The following USP15 variants were observed in gnomAD, a reference collection of about 807,000 sequenced individuals.
USP15 encodes ubiquitin specific peptidase 15, also known as ubiquitin carboxyl-terminal hydrolase 15.
Under a neutral mutation model 127.1 loss-of-function variants are expected in USP15, and 18 were observed. The ratio of observed to expected loss-of-function variants is 0.14; its 90% CI spans 0.10 to 0.21. USP15 has a LOEUF of 0.21. Ranked by LOEUF, USP15 falls within the 10% of genes least tolerant of loss-of-function variation. The pLI is 1.00. For missense variants in USP15, 805 were observed against 1,159.9 expected (o/e 0.69, Z 4.44); for synonymous variants, 364 against 393.7 (o/e 0.92, Z 0.89).
chr12:62,362,289 C>T (rs1395910031), intron 8 of USP15, among the ~76,000 whole-genome samples: 1 of 151,980 alleles, frequency 6.6e-6, no homozygotes, highest in African/African-American at 2.4e-5. Context: ...TGTATAGTAA[C>T]ATTAAGTATA....
intron 1 of USP15, among the ~76,000 whole-genome samples, chr12:62,278,282 A>G (rs978732139): frequency 3.3e-5 from 5 of 152,150 alleles, no homozygotes; most frequent in Non-Finnish European, 7.3e-5. Context: ...TACTTCCTGA[A>G]GGACCTGCCT....
chr12:62,395,677 A>T (rs2067467111), intron 19 of USP15, among the ~76,000 whole-genome samples: 1 of 150,424 alleles, frequency 6.6e-6, no homozygotes, highest in Non-Finnish European at 1.5e-5. Context: ...TCTAGTAATC[A>T]TCCTTCTACT....
chr12:62,288,154 A>T (rs191554147), intron 1 of USP15, among the ~76,000 whole-genome samples: 59 of 152,250 alleles, frequency 3.9e-4, no homozygotes, highest in African/African-American at 1.4e-3. Flanking sequence ...GATAGAAATT[A>T]CATTGAATCT....
chr12:62,301,649 G>A (rs927887018), intron 2 of USP15, among the ~76,000 whole-genome samples: 4 of 152,156 alleles, frequency 2.6e-5, no homozygotes, highest in African/African-American at 9.6e-5. Flanking sequence ...GTAACAGAAA[G>A]CAAGTACTGT....
intron 8 of USP15, among the ~76,000 whole-genome samples, chr12:62,366,901 G>A (rs570162565): frequency 7.3e-4 from 111 of 152,252 alleles, no homozygotes; most frequent in Non-Finnish European, 1.4e-3. Context: ...GGATGAAGCC[G>A]ACTTAATCAT....
At chr12:62,297,339 G>T (rs942033964) in intron 2 of USP15, among the ~76,000 whole-genome samples, 21 of 152,218 alleles carry the variant, frequency 1.4e-4, no homozygotes, top group African/African-American at 5.1e-4. Context: ...TCAGGGTACT[G>T]CTTGAAGGAC....
intron 8 of USP15, among the ~76,000 whole-genome samples, chr12:62,367,605 T>G (rs745317635): frequency 6.6e-6 from 1 of 152,220 alleles, no homozygotes; most frequent in African/African-American, 2.4e-5. Flanking sequence ...TCTAGGTGTT[T>G]ATAGTATTCT....
rs1177756330 is a variant in USP15, at chr12:62,415,916, T to C, written c.*11541T>C. The C allele has an allele frequency of 6.6e-6, 1 of 152,206 alleles. No homozygotes were observed. Among genetic ancestry groups the C allele is most frequent in the Non-Finnish European group, 1.5e-5 (1 of 68,022 alleles). 9.4% of individuals were successfully genotyped at this position (152,206 alleles called of 1,614,324 possible). A position where few individuals can be genotyped will look rare whatever the true frequency, so the allele number is the denominator to read the frequency against. On this transcript the variant is annotated 3_prime_UTR_variant, in exon 22 of 22. Coordinates refer to ENST00000280377, the MANE Select transcript of USP15 (RefSeq NM_001252078.2). ...AAGTACCCAACTATGGGAATGATTG[T>C]TCCTTCCTTATGAATGAGAGCAGCT...
chr12:62,328,089 C>A (rs548677678), intron 6 of USP15, among the ~76,000 whole-genome samples: 1 of 152,110 alleles, frequency 6.6e-6, no homozygotes, highest in South Asian at 2.1e-4. Flanking sequence ...AAATTTTGAG[C>A]ACAATTTAAG....
chr12:62,262,616 A>G (rs989804180), intron 1 of USP15, among the ~76,000 whole-genome samples: 2 of 92,444 alleles, frequency 2.2e-5, no homozygotes, highest in East Asian at 5.0e-4. Context: ...AAATAAGTAT[A>G]TTTTTGCTTT....
At chr12:62,367,596 C>T (rs1011104779) in intron 8 of USP15, among the ~76,000 whole-genome samples, 1 of 151,660 alleles carries the variant, frequency 6.6e-6, no homozygotes, top group African/African-American at 2.4e-5. Context: ...TCCAGATTTT[C>T]TAGGTGTTTA....
intron 9 of USP15, 132 bp downstream of exon 9, chr12:62,381,795 T>C (rs896849348): frequency 4.1e-6 from 3 of 732,790 alleles, no homozygotes; most frequent in Non-Finnish European, 6.3e-6. Context: ...AGTACATAAA[T>C]AGATATACAG....
intron 8 of USP15, among the ~76,000 whole-genome samples, chr12:62,360,067 C>A (rs2066267611): frequency 1.3e-5 from 2 of 152,082 alleles, no homozygotes; most frequent in South Asian, 4.1e-4. Flanking sequence ...ATTGTCAAGG[C>A]CTACCTAGGA....
At chr12:62,397,022 C>A (rs980815669) in intron 20 of USP15, among the ~76,000 whole-genome samples, 5 of 152,006 alleles carry the variant, frequency 3.3e-5, no homozygotes, top group Non-Finnish European at 5.9e-5. Context: ...TTGCCCCCCA[C>A]CCCCCAGGAT....
intron 1 of USP15, among the ~76,000 whole-genome samples, chr12:62,293,383 G>GTC (rs937712554): frequency 8.1e-4 from 124 of 152,174 alleles, no homozygotes; most frequent in African/African-American, 2.9e-3. Context: ...TTGAGACCGA[G>GTC]TCTCTCTCTG....
intron 5 of USP15, among the ~76,000 whole-genome samples, chr12:62,325,323 G>T (rs1012275798): frequency 2.6e-5 from 4 of 151,904 alleles, no homozygotes; most frequent in Non-Finnish European, 5.9e-5. Context: ...TATATTTAAA[G>T]ATTCTATAAT....
intron 4 of USP15, among the ~76,000 whole-genome samples, chr12:62,319,340 A>T (rs1299536346): frequency 6.6e-6 from 1 of 152,212 alleles, no homozygotes; most frequent in Non-Finnish European, 1.5e-5. Context: ...ACAATTTGGC[A>T]TGAGATTTGG....
chr12:62,372,276 G>A (rs914416910), intron 8 of USP15, among the ~76,000 whole-genome samples: 6 of 151,986 alleles, frequency 3.9e-5, no homozygotes, highest in Non-Finnish European at 8.8e-5. Context: ...GACCATATAC[G>A]GTCCTGCAAA....
In USP15 at chr12:62,412,247, A is replaced by G. The variant is rs2068056358; in HGVS notation, c.*7872A>G. 1 of 152,244 alleles carries G rather than the reference A, an allele frequency of 6.6e-6. No individual in the cohort carries two copies. The highest frequency in any genetic ancestry group is 2.4e-5 in the African/African-American group (1 of 41,462). 9.4% of individuals were successfully genotyped at this position (152,244 alleles called of 1,614,324 possible). A position where few individuals can be genotyped will look rare whatever the true frequency, so the allele number is the denominator to read the frequency against. On this transcript the variant is annotated 3_prime_UTR_variant, in exon 22 of 22. Transcript: ENST00000280377. ...TGCCAAAAAATGCTAAATAACCATC[A>G]GAGCCTTCAGCAAGTAGTAATGTTT... is the stretch of plus-strand genomic sequence containing the variant.
Sources: gnomAD v4.1 joint callset for allele counts (sites outside exome capture counted in the v4.1 genomes callset) on GRCh38, gnomAD v4.1.1 for gene constraint, MANE v1.5 for transcripts, NCBI Gene and HGNC (gene_info 2026-07-23, HGNC 2026-07-21) for gene names.